Variants in HSD11B1 observed in about 807,000 individuals in gnomAD.
The protein encoded by HSD11B1 is 11-beta-hydroxysteroid dehydrogenase 1.
HSD11B1 carries 15 observed loss-of-function variants against 22.1 expected under a neutral mutation model. The ratio of observed to expected loss-of-function variants is 0.68; its 90% confidence interval spans 0.45 to 1.04. HSD11B1 has a LOEUF of 1.04. Among genes scored for constraint, HSD11B1 ranks in the 50% least tolerant of loss-of-function variants. HSD11B1 has a pLI of 0.00. For synonymous variants in HSD11B1, 122 were observed against 125.2 expected (o/e 0.97, Z 0.17); for missense variants, 281 against 357.6 (o/e 0.79, Z 1.73).
chr1:209,703,510 C>T (rs2076837030), upstream of HSD11B1, among the ~76,000 whole-genome samples: 1 of 152,144 alleles, frequency 6.6e-6, no homozygotes, highest in South Asian at 2.1e-4. Flanking sequence ...GTCTAGCCCT[C>T]AACTGTTCTC....
chr1:209,697,805 C>A (rs2076799649), intron 1 of HSD11B1, among the ~76,000 whole-genome samples: 1 of 146,302 alleles, frequency 6.8e-6, no homozygotes, highest in African/African-American at 2.5e-5. Context: ...CACTTCTAAG[C>A]TTTTCAAATT....
intron 1 of HSD11B1, among the ~76,000 whole-genome samples, chr1:209,690,324 GATAAA>G (rs1360633914): frequency 6.6e-6 from 1 of 151,742 alleles, no homozygotes; most frequent in African/African-American, 2.4e-5. Flanking sequence ...ATAATAATAA[GATAAA>G]ATAAAGAACC....
chr1:209,724,650 T>C (rs901253035), intron 4 of HSD11B1, among the ~76,000 whole-genome samples: 1 of 152,222 alleles, frequency 6.6e-6, no homozygotes, highest in Non-Finnish European at 1.5e-5. Flanking sequence ...AATAAAAATC[T>C]AGATTTTTAG....
intron 1 of HSD11B1, among the ~76,000 whole-genome samples, chr1:209,698,069 T>C (rs1450193649): frequency 6.6e-6 from 1 of 151,664 alleles, no homozygotes; most frequent in African/African-American, 2.4e-5. Context: ...TTTCAAGACA[T>C]CTTTCCTTCA....
In HSD11B1 at chr1:209,710,266, C is replaced by A. The variant is rs151196964; in HGVS notation, c.517+3138C>A. Among the ~76,000 whole-genome samples, 418 of 152,282 alleles carry A rather than the reference C, an allele frequency of 2.7e-3. 3 individuals are homozygous for A. The highest frequency in any genetic ancestry group is 9.2e-3 in the African/African-American group (383 of 41,558). On this transcript the variant is annotated intron_variant, in intron 4 of 5. Transcript: ENST00000367027. Reference sequence around the variant, plus strand: ...AAGTAAAGTTGGTTTCATTTTCGGGCTCCTGGGCTTGGTGAATCCCATCAC... The same window carrying A: ...AAGTAAAGTTGGTTTCATTTTCGGGATCCTGGGCTTGGTGAATCCCATCAC...
intron 1 of HSD11B1, among the ~76,000 whole-genome samples, chr1:209,699,372 A>T (rs2076812557): frequency 6.6e-6 from 1 of 152,204 alleles, no homozygotes; most frequent in Non-Finnish European, 1.5e-5. Flanking sequence ...CCTCAGAATC[A>T]TGGTGGTAGC....
chr1:209,731,309 T>TA (rs908245585), intron 4 of HSD11B1, among the ~76,000 whole-genome samples: 42 of 148,286 alleles, frequency 2.8e-4, no homozygotes, highest in East Asian at 2.3e-3. Flanking sequence ...ACTGGCCACT[T>TA]AAAAAAAAAA....
chr1:209,699,872 C>A (rs2076816206), upstream of HSD11B1, among the ~76,000 whole-genome samples: 1 of 152,100 alleles, frequency 6.6e-6, no homozygotes, highest in Non-Finnish European at 1.5e-5. Context: ...GTTACAGGGC[C>A]CATGCAAGTC....
upstream of HSD11B1, among the ~76,000 whole-genome samples, chr1:209,703,111 T>C (rs2076834892): frequency 6.6e-6 from 1 of 152,222 alleles, no homozygotes; most frequent in South Asian, 2.1e-4. Context: ...TTTATCTTAC[T>C]CATTGTTATT....
intron 4 of HSD11B1, among the ~76,000 whole-genome samples, chr1:209,731,257 C>A (rs2102401171): frequency 6.6e-6 from 1 of 152,252 alleles, no homozygotes; most frequent in East Asian, 1.9e-4. Flanking sequence ...ACAGAGATTG[C>A]AGCTGATACT....
At chr1:209,717,381 T>C (rs1166468242) in intron 4 of HSD11B1, among the ~76,000 whole-genome samples, 1 of 152,118 alleles carries the variant, frequency 6.6e-6, no homozygotes, top group Non-Finnish European at 1.5e-5. Flanking sequence ...ATTGCTATTA[T>C]CAGAAAGACA....
intron 1 of HSD11B1, among the ~76,000 whole-genome samples, chr1:209,688,628 C>G (rs897245504): frequency 6.6e-6 from 1 of 152,194 alleles, no homozygotes; most frequent in African/African-American, 2.4e-5. Flanking sequence ...ATGCTCTTGA[C>G]TCTTCAGTAA....
Position 209,704,876 on chromosome 1 carries a change from G to T in HSD11B1, c.-67G>T. 8.2e-7 allele frequency: 1 copy of T among 1,223,966 alleles called. No individual in the cohort carries two copies. Among genetic ancestry groups the T allele is most frequent in the South Asian group, 1.2e-5 (1 of 83,012 alleles). 75.8% of individuals were successfully genotyped at this position (1,223,966 alleles called of 1,614,324 possible). ...TCAGAGGCTGCTGCCTGCTTAGGAG[G>T]TTGTAGAAAGCTCTGTAGGTTCTCT... On this transcript the variant is annotated 5_prime_UTR_variant, in exon 1 of 6. Transcript: ENST00000367027.
At chr1:209,705,198 G>C (rs780109684) in intron 1 of HSD11B1, among the ~76,000 whole-genome samples, 168 bp downstream of exon 1, 6 of 152,206 alleles carry the variant, frequency 3.9e-5, no homozygotes, top group East Asian at 1.9e-4. Flanking sequence ...CTGTGGACAG[G>C]GGGGACTGTG....
At chr1:209,708,570 A>T (rs917151257) in intron 4 of HSD11B1, among the ~76,000 whole-genome samples, 1 of 152,192 alleles carries the variant, frequency 6.6e-6, no homozygotes, top group Non-Finnish European at 1.5e-5. Flanking sequence ...TTCCAGATGC[A>T]TACTGAGTGG....
chr1:209,710,634 G>T (rs899522489), intron 4 of HSD11B1, among the ~76,000 whole-genome samples: 1 of 152,022 alleles, frequency 6.6e-6, no homozygotes, highest in East Asian at 1.9e-4. Flanking sequence ...AAACATACTC[G>T]GCAAGCATAC....
chr1:209,727,119 T>C (rs930138643), intron 4 of HSD11B1, among the ~76,000 whole-genome samples: 3 of 152,122 alleles, frequency 2.0e-5, no homozygotes, highest in African/African-American at 7.2e-5. Flanking sequence ...CAAGTAACCT[T>C]ATATGAAGAG....
chr1:209,703,049 C>G (rs2076834607), upstream of HSD11B1, among the ~76,000 whole-genome samples: 1 of 152,098 alleles, frequency 6.6e-6, no homozygotes, highest in African/African-American at 2.4e-5. Flanking sequence ...TTTAATGGAG[C>G]CAACAATCAG....
chr1:209,705,994 C>A, intron 2 of HSD11B1, 53 bp downstream of exon 2: 1 of 1,607,616 alleles, frequency 6.2e-7, no homozygotes, highest in South Asian at 1.1e-5. Context: ...CAGATGTGTT[C>A]TTATATATGC....
Sources: allele counts gnomAD v4.1 joint callset (sites outside exome capture counted in the v4.1 genomes callset), GRCh38; gene constraint gnomAD v4.1.1; transcripts MANE v1.5; gene names NCBI Gene and HGNC (gene_info 2026-07-23, HGNC 2026-07-21).